The following TRPM3 variants were observed in gnomAD, a reference collection of about 807,000 sequenced individuals.
The protein encoded by TRPM3 is long transient receptor potential channel 3.
A neutral mutation model predicts 181.2 loss-of-function variants in TRPM3; 77 were observed. The ratio of observed to expected loss-of-function variants is 0.42; its 90% CI spans 0.35 to 0.51. The LOEUF (loss-of-function observed/expected upper bound fraction) is 0.51, where lower values mean the gene tolerates loss of function less well. Ranked by LOEUF, TRPM3 falls within the 20% of genes least tolerant of loss-of-function variation. The pLI is 0.01. For missense variants in TRPM3, 1,759 were observed against 2,196.7 expected, an observed-to-expected ratio of 0.80 and a Z score of 3.98; for synonymous variants, 745 against 796.4, an observed-to-expected ratio of 0.94 and a Z score of 1.09.
At chr9:70,692,178 A>T (rs1369575025) in intron 8 of TRPM3, among the ~76,000 whole-genome samples, 4 of 152,160 alleles carry the variant, frequency 2.6e-5, no homozygotes, top group African/African-American at 9.7e-5. Flanking sequence ...ATCACCAAGC[A>T]CTTTTCTGTA....
rs1191290360 is a variant in TRPM3, at chr9:70,529,594, A to C, written c.*6359T>G. The C allele has an allele frequency of 6.6e-6, 1 of 152,042 alleles. No individual in the cohort carries two copies. The highest frequency in any genetic ancestry group is 1.5e-5 in the Non-Finnish European group (1 of 68,016). The allele number at this position is 152,042 out of a possible 1,614,324, so 9.4% of individuals were successfully genotyped here. The stretch of plus-strand genomic sequence containing the variant: ...CTTCTTCTGAATCTCTCTCACAAAG[A>C]CTCTGTGTTCAAGTTTAGAATTATG... On this transcript the variant is annotated 3_prime_UTR_variant, in exon 26 of 26. Transcript: ENST00000677713.
At chr9:71,019,046 T>A (rs781646957) in intron 1 of TRPM3, among the ~76,000 whole-genome samples, 1 of 152,018 alleles carries the variant, frequency 6.6e-6, no homozygotes, top group Non-Finnish European at 1.5e-5. Context: ...ATAATATTAA[T>A]ATGCTTATGT....
chr9:71,229,858 T>C (rs1453127539), intron 1 of TRPM3, among the ~76,000 whole-genome samples: 7 of 152,020 alleles, frequency 4.6e-5, no homozygotes, highest in Non-Finnish European at 2.9e-5. Context: ...GTACAATCAC[T>C]GTGGAAAACA....
chr9:71,018,353 A>C (rs894582473), intron 1 of TRPM3, among the ~76,000 whole-genome samples: 5 of 151,792 alleles, frequency 3.3e-5, no homozygotes, highest in African/African-American at 4.8e-5. Context: ...GAAATAAACA[A>C]ATAGACACAA....
In TRPM3 at chr9:70,532,076, C is replaced by T. The variant is rs760602523; in HGVS notation, c.*3877G>A. 6.6e-6 allele frequency: 1 copy of T among 152,166 alleles called. No homozygotes were observed. The highest frequency in any genetic ancestry group is 1.5e-5 in the Non-Finnish European group (1 of 68,032). The allele number at this position is 152,166 out of a possible 1,614,324, so 9.4% of individuals were successfully genotyped here. A position where few individuals can be genotyped will look rare whatever the true frequency, so the allele number is the denominator to read the frequency against. On this transcript the variant is annotated 3_prime_UTR_variant, in exon 26 of 26. Transcript: ENST00000677713. ...ACTACGCTGGGTTAAACATGGGTTA[C>T]ATACATGTTTACATGTGTTTTATAA...
chr9:70,800,190 A>AT (rs2088527105), intron 6 of TRPM3, among the ~76,000 whole-genome samples: 3 of 152,208 alleles, frequency 2.0e-5, no homozygotes, highest in Admixed American at 2.0e-4. Flanking sequence ...ACATGGCAAC[A>AT]TGTTAAAAAA....
chr9:70,941,190 C>T (rs1287461045), intron 1 of TRPM3, among the ~76,000 whole-genome samples: 2 of 152,114 alleles, frequency 1.3e-5, no homozygotes, highest in African/African-American at 4.8e-5. Flanking sequence ...ACAGACCCAC[C>T]CTTAATCTGG....
chr9:70,659,238 T>A (rs1490113867), intron 9 of TRPM3, among the ~76,000 whole-genome samples: 2 of 152,082 alleles, frequency 1.3e-5, no homozygotes, highest in African/African-American at 4.8e-5. Context: ...ATGGAGCCAA[T>A]AAAAGCCCCT....
chr9:71,236,127 C>A (rs370050294), intron 1 of TRPM3, among the ~76,000 whole-genome samples: 1 of 152,148 alleles, frequency 6.6e-6, no homozygotes, highest in Non-Finnish European at 1.5e-5. Flanking sequence ...GCCAGGGATA[C>A]GTAAATTAAC....
At chr9:70,685,536 C>T (rs1295168226) in intron 8 of TRPM3, among the ~76,000 whole-genome samples, 2 of 152,088 alleles carry the variant, frequency 1.3e-5, no homozygotes, top group Non-Finnish European at 2.9e-5. Context: ...CTCCTGAGTA[C>T]CTGGGACTAC....
intron 1 of TRPM3, among the ~76,000 whole-genome samples, chr9:71,417,672 AG>A (rs1233298612): frequency 1.3e-5 from 2 of 152,058 alleles, no homozygotes; most frequent in African/African-American, 4.8e-5. Context: ...ATAAGTGCCA[AG>A]AAAATGGAAA....
intron 25 of TRPM3, among the ~76,000 whole-genome samples, chr9:70,542,190 A>C (rs1298406900): frequency 6.6e-6 from 1 of 152,184 alleles, no homozygotes; most frequent in Non-Finnish European, 1.5e-5. Flanking sequence ...ATATACCAAG[A>C]GTTTTGAGTC....
intron 15 of TRPM3, among the ~76,000 whole-genome samples, chr9:70,620,997 C>T (rs966737408): frequency 6.8e-6 from 1 of 146,848 alleles, no homozygotes; most frequent in East Asian, 2.0e-4. Flanking sequence ...GTGAGCAACC[C>T]TTATGACACA....
At chr9:70,841,985 A>G (rs1329244897) in intron 5 of TRPM3, among the ~76,000 whole-genome samples, 1 of 152,006 alleles carries the variant, frequency 6.6e-6, no homozygotes, top group Non-Finnish European at 1.5e-5. Flanking sequence ...TTCACTATTC[A>G]GGTGATGGGT....
chr9:71,317,670 T>C (rs972002545), intron 1 of TRPM3, among the ~76,000 whole-genome samples: 1 of 83,496 alleles, frequency 1.2e-5, no homozygotes, highest in Non-Finnish European at 3.0e-5. Flanking sequence ...AGAAAAAATA[T>C]ATATATATAC....
intron 22 of TRPM3, among the ~76,000 whole-genome samples, chr9:70,588,695 C>T (rs527378214): frequency 2.6e-5 from 4 of 152,278 alleles, no homozygotes; most frequent in South Asian, 2.1e-4. Context: ...AGAGGCAAGA[C>T]GTCGTAGGGC....
chr9:70,926,099 C>CA (rs1303314553), intron 1 of TRPM3, among the ~76,000 whole-genome samples: 1 of 151,884 alleles, frequency 6.6e-6, no homozygotes, highest in Non-Finnish European at 1.5e-5. Flanking sequence ...ATCCATGTTT[C>CA]AAAAAGGCCA....
At chr9:71,306,377 T>A (rs554220402) in intron 1 of TRPM3, among the ~76,000 whole-genome samples, 1 of 152,294 alleles carries the variant, frequency 6.6e-6, no homozygotes, top group Non-Finnish European at 1.5e-5. Context: ...CTGGGTTGAA[T>A]GAGGTGCTTT....
chr9:70,689,543 ATGAAG>A (rs2067915326), intron 8 of TRPM3, among the ~76,000 whole-genome samples: 1 of 151,608 alleles, frequency 6.6e-6, no homozygotes, highest in Non-Finnish European at 1.5e-5. Flanking sequence ...AACAAGAGAG[ATGAAG>A]TGAAGTAATA....
Sources: gnomAD v4.1 joint callset for allele counts (sites outside exome capture counted in the v4.1 genomes callset) on GRCh38, gnomAD v4.1.1 for gene constraint, MANE v1.5 for transcripts, NCBI Gene and HGNC (gene_info 2026-07-23, HGNC 2026-07-21) for gene names.